The following PLXDC2 variants were observed in gnomAD, a reference collection of about 807,000 sequenced individuals.
PLXDC2 encodes the protein plexin domain-containing protein 2.
PLXDC2 carries 40 observed loss-of-function variants against 68.9 expected under a neutral mutation model. The observed-to-expected ratio is 0.58, with a 90% CI of 0.45 to 0.76. The LOEUF (loss-of-function observed/expected upper bound fraction) is 0.76, where lower values mean the gene tolerates loss of function less well. PLXDC2 is among the 30% of genes least tolerant of loss of function. The pLI is 0.00. For synonymous variants in PLXDC2, 243 were observed against 234.2 expected (o/e 1.04, Z -0.34); for missense variants, 644 against 661.9 (o/e 0.97, Z 0.30).
intron 13 of PLXDC2, among the ~76,000 whole-genome samples, chr10:20,255,481 C>G (rs897044808): frequency 6.6e-6 from 1 of 152,088 alleles, no homozygotes; most frequent in South Asian, 2.1e-4. Flanking sequence ...AATACTTAAG[C>G]CTTTCTATTG....
At position 20,289,590 on chromosome 10, in the gene PLXDC2, A is replaced by T. The variant is rs1836203485; in HGVS notation, c.*9771A>T. ...GAATGTGTAAAGCAAGATGTCTCCAATTCTGAATATTCCTTCCCCTTTTCC... is the reference window on the plus strand; with the variant it reads ...GAATGTGTAAAGCAAGATGTCTCCATTTCTGAATATTCCTTCCCCTTTTCC... On this transcript the variant is annotated 3_prime_UTR_variant, in exon 14 of 14. Coordinates refer to ENST00000377252, the MANE Select transcript of PLXDC2 (RefSeq NM_032812.9). 6.6e-6 allele frequency: 1 copy of T among 152,148 alleles called. No homozygotes were observed. The highest frequency in any genetic ancestry group is 2.1e-4 in the South Asian group (1 of 4,826). The allele number at this position is 152,148 out of a possible 1,614,324, so 9.4% of individuals were successfully genotyped here. A position where few individuals can be genotyped will look rare whatever the true frequency, so the allele number is the denominator to read the frequency against.
At chr10:19,937,134 C>T (rs986194843) in intron 1 of PLXDC2, among the ~76,000 whole-genome samples, 1 of 152,156 alleles carries the variant, frequency 6.6e-6, no homozygotes, top group African/African-American at 2.4e-5. Context: ...ATCCTCCATT[C>T]CTTCAGTTCA....
intron 6 of PLXDC2, among the ~76,000 whole-genome samples, chr10:20,163,869 C>T (rs1352324972): frequency 6.6e-6 from 1 of 152,154 alleles, no homozygotes; most frequent in African/African-American, 2.4e-5. Context: ...AGAACTGTGA[C>T]ATTGAGATGA....
At chr10:20,053,475 C>T (rs745618832) in intron 3 of PLXDC2, among the ~76,000 whole-genome samples, 5 of 152,100 alleles carry the variant, frequency 3.3e-5, no homozygotes, top group Non-Finnish European at 7.4e-5. Flanking sequence ...TTCAGAGCCA[C>T]ACAGTTTTCA....
intron 2 of PLXDC2, among the ~76,000 whole-genome samples, chr10:20,005,510 A>G (rs1406714213): frequency 6.6e-6 from 1 of 152,174 alleles, no homozygotes; most frequent in Non-Finnish European, 1.5e-5. Context: ...TGGGTAATTC[A>G]TAAAGAGAAG....
chr10:19,961,582 A>C (rs1834154568), intron 1 of PLXDC2, among the ~76,000 whole-genome samples: 1 of 152,232 alleles, frequency 6.6e-6, no homozygotes, highest in Admixed American at 6.5e-5. Context: ...AGCTAGGTTA[A>C]CTTTCCAGGA....
intron 1 of PLXDC2, among the ~76,000 whole-genome samples, chr10:19,951,787 C>G (rs1469878648): frequency 6.6e-6 from 1 of 152,162 alleles, no homozygotes; most frequent in Non-Finnish European, 1.5e-5. Context: ...AAATGTGAGA[C>G]ATAAACACCA....
intron 1 of PLXDC2, among the ~76,000 whole-genome samples, chr10:19,864,384 C>A (rs1379778723): frequency 2.0e-5 from 3 of 152,190 alleles, no homozygotes; most frequent in Non-Finnish European, 4.4e-5. Flanking sequence ...AGGCATCTAT[C>A]TGGCACACTT....
At chr10:19,987,551 G>T (rs576981407) in intron 1 of PLXDC2, among the ~76,000 whole-genome samples, 15 of 101,124 alleles carry the variant, frequency 1.5e-4, no homozygotes, top group African/African-American at 4.1e-4. Context: ...GATGTTATTT[G>T]GTTTTGTTTT....
At chr10:20,236,676 A>G (rs895417145) in intron 12 of PLXDC2, among the ~76,000 whole-genome samples, 1 of 152,118 alleles carries the variant, frequency 6.6e-6, no homozygotes, top group Non-Finnish European at 1.5e-5. Flanking sequence ...TATTTGTACT[A>G]TATATAAATA....
intron 4 of PLXDC2, among the ~76,000 whole-genome samples, chr10:20,101,156 A>C (rs1833416726): frequency 6.6e-6 from 1 of 152,190 alleles, no homozygotes; most frequent in African/African-American, 2.4e-5. Flanking sequence ...TGGCTTCTAA[A>C]AATGATGTGT....
At chr10:19,901,038 C>CAT (rs1012694657) in intron 1 of PLXDC2, among the ~76,000 whole-genome samples, 63 of 149,170 alleles carry the variant, frequency 4.2e-4, no homozygotes, top group Middle Eastern at 3.4e-3. Context: ...TATATATACA[C>CAT]ATATATATAT....
chr10:20,239,583 C>T (rs1220638316), intron 12 of PLXDC2, among the ~76,000 whole-genome samples: 1 of 152,054 alleles, frequency 6.6e-6, no homozygotes, highest in Non-Finnish European at 1.5e-5. Flanking sequence ...TAAGAGAAAC[C>T]ACACCCATGA....
At chr10:20,089,622 G>T (rs563098395) in intron 4 of PLXDC2, among the ~76,000 whole-genome samples, 2 of 152,244 alleles carry the variant, frequency 1.3e-5, no homozygotes, top group East Asian at 3.9e-4. Context: ...GTTTTCTTTT[G>T]TCTGTATCAT....
At chr10:20,155,482 C>T (rs1469851917) in intron 6 of PLXDC2, among the ~76,000 whole-genome samples, 1 of 151,994 alleles carries the variant, frequency 6.6e-6, no homozygotes, top group Non-Finnish European at 1.5e-5. Context: ...TATATATGTA[C>T]ATATATATCT....
chr10:19,983,816 A>G (rs1251367710), intron 1 of PLXDC2, among the ~76,000 whole-genome samples: 8 of 152,152 alleles, frequency 5.3e-5, no homozygotes, highest in African/African-American at 1.9e-4. Flanking sequence ...GGACCTCCCG[A>G]GTCAGATCTG....
At chr10:20,067,617 G>A (rs1589613153) in intron 3 of PLXDC2, among the ~76,000 whole-genome samples, 1 of 151,680 alleles carries the variant, frequency 6.6e-6, no homozygotes, top group Admixed American at 6.6e-5. Context: ...AACCCAGGTG[G>A]GCAGAGGTTT....
chr10:20,232,423 G>A (rs534062114), intron 12 of PLXDC2, among the ~76,000 whole-genome samples: 1 of 151,994 alleles, frequency 6.6e-6, no homozygotes, highest in African/African-American at 2.4e-5. Flanking sequence ...CACAAAACTT[G>A]TAAGAGAATA....
intron 9 of PLXDC2, among the ~76,000 whole-genome samples, chr10:20,207,580 T>C (rs1290958544): frequency 1.3e-5 from 2 of 152,136 alleles, no homozygotes; most frequent in Admixed American, 1.3e-4. Context: ...CTGTAGAAAA[T>C]TGATACATCC....
Sources: allele counts gnomAD v4.1 joint callset (sites outside exome capture counted in the v4.1 genomes callset), GRCh38; gene constraint gnomAD v4.1.1; transcripts MANE v1.5; gene names NCBI Gene and HGNC (gene_info 2026-07-23, HGNC 2026-07-21).